ARHGEF6: variants seen among roughly 807,000 people sequenced by gnomAD.
ARHGEF6 encodes rho guanine nucleotide exchange factor 6.
In ARHGEF6, 9 loss-of-function variants were observed where a neutral mutation model predicts 70.3. The observed-to-expected ratio is 0.13, with a 90% CI of 0.08 to 0.22. The LOEUF is 0.22. Ranked by LOEUF, ARHGEF6 falls within the 10% of genes least tolerant of loss-of-function variation. ARHGEF6 has a pLI of 1.00. For synonymous variants in ARHGEF6, 201 were observed against 207.8 expected, an observed-to-expected ratio of 0.97 and a Z score of 0.28; for missense variants, 470 against 563.0, an observed-to-expected ratio of 0.83 and a Z score of 1.67.
chrX:136,740,009 T>TATC (rs2077026637), intron 5 of ARHGEF6, among the ~76,000 whole-genome samples: 1 of 110,329 alleles, frequency 9.1e-6, no homozygotes, highest in African/African-American at 3.3e-5. Context: ...GTTACATTAT[T>TATC]ATTATTATTA....
At chrX:136,731,346 A>T (rs937313707) in intron 6 of ARHGEF6, among the ~76,000 whole-genome samples, 1 of 111,888 alleles carries the variant, frequency 8.9e-6, no homozygotes, top group African/African-American at 3.3e-5. Context: ...CTGGGTAAAA[A>T]GTGAAACTGT....
chrX:136,697,846 T>C (rs966668902), intron 9 of ARHGEF6, among the ~76,000 whole-genome samples: 1 of 112,489 alleles, frequency 8.9e-6, no homozygotes, highest in Non-Finnish European at 1.9e-5. Flanking sequence ...AAAAACAATA[T>C]GGCACACAAA....
At chrX:136,669,817 A>C (rs1256306362) in intron 20 of ARHGEF6, among the ~76,000 whole-genome samples, 3 of 112,083 alleles carry the variant, frequency 2.7e-5, no homozygotes, top group African/African-American at 6.5e-5. Flanking sequence ...ACAAAACACA[A>C]GAGACTAGGG....
At chrX:136,669,148 C>G (rs745884854) in intron 21 of ARHGEF6, among the ~76,000 whole-genome samples, 7 of 111,955 alleles carry the variant, frequency 6.3e-5, no homozygotes, top group Non-Finnish European at 1.3e-4. Context: ...CAGAAAAGCC[C>G]ACAAACCATG....
chrX:136,678,542 G>GT (rs1569388516), intron 16 of ARHGEF6, among the ~76,000 whole-genome samples: 1 of 111,707 alleles, frequency 9.0e-6, no homozygotes, highest in South Asian at 3.7e-4. Flanking sequence ...GTCCTATCAT[G>GT]TCAAGTTGAA....
intron 2 of ARHGEF6, among the ~76,000 whole-genome samples, chrX:136,759,099 A>C (rs1423047914): frequency 8.9e-6 from 1 of 112,229 alleles, no homozygotes; most frequent in Non-Finnish European, 1.9e-5. Flanking sequence ...GAGAATGCAA[A>C]GTGGTTATAC....
intron 5 of ARHGEF6, among the ~76,000 whole-genome samples, chrX:136,739,212 G>A (rs960719248): frequency 8.9e-6 from 1 of 111,900 alleles, no homozygotes; most frequent in African/African-American, 3.2e-5. Context: ...TCTTCTCCCA[G>A]TCAGAAGCTT....
rs2077186870 is a variant in ARHGEF6 at position 136,754,599 on chromosome X, AC to A, written c.250-7008del. Reference sequence around the variant, plus strand: ...CCCCGCCTCAAAAAAAAAAAAAACAACGAAAGAAAAGAAAAGAAAAAGAAAA... The same window carrying A: ...CCCCGCCTCAAAAAAAAAAAAAACAAGAAAGAAAAGAAAAGAAAAAGAAAA... On this transcript the variant is annotated intron_variant, in intron 2 of 21. Coordinates refer to ENST00000250617, the MANE Select transcript of ARHGEF6 (RefSeq NM_004840.3). Among the ~76,000 whole-genome samples the A allele has an allele frequency of 7.8e-5, 8 of 102,330 alleles. 1 individual carries two copies. The highest frequency in any genetic ancestry group is 1.1e-4 in the African/African-American group (3 of 27,456). The allele number at this position is 102,330 out of a possible 115,157, so 88.9% of individuals were successfully genotyped here.
chrX:136,745,089 G>T, intron 4 of ARHGEF6, 134 bp downstream of exon 4: 1 of 881,414 alleles, frequency 1.1e-6, no homozygotes, highest in African/African-American at 1.9e-5. Flanking sequence ...ATTGGTGCTC[G>T]GTTTATAATT....
At chrX:136,699,860 TG>T (rs1349173520) in intron 9 of ARHGEF6, among the ~76,000 whole-genome samples, 3 of 109,964 alleles carry the variant, frequency 2.7e-5, no homozygotes, top group Non-Finnish European at 5.7e-5. Flanking sequence ...GGGATAGGAG[TG>T]GGGGCGGGGT....
At chrX:136,772,883 C>A (rs988843329) in intron 2 of ARHGEF6, among the ~76,000 whole-genome samples, 28 of 111,220 alleles carry the variant, frequency 2.5e-4, no homozygotes, top group Non-Finnish European at 4.7e-4. Context: ...ACAACAACAA[C>A]AAAAAAAATT....
At chrX:136,676,741 T>C in intron 17 of ARHGEF6, 24 bp from the exon 18 acceptor site, 2 of 1,070,235 alleles carry the variant, frequency 1.9e-6, no homozygotes, top group Non-Finnish European at 2.6e-6. Context: ...GGTTTCTTAA[T>C]GAATTAAAAT....
chrX:136,736,413 A>T, intron 5 of ARHGEF6, among the ~76,000 whole-genome samples: 1 of 111,505 alleles, frequency 9.0e-6, no homozygotes, highest in Non-Finnish European at 1.9e-5. Flanking sequence ...ATTTTTCATG[A>T]AATAAGATCC....
chrX:136,752,009 A>G (rs2077156818), intron 2 of ARHGEF6, among the ~76,000 whole-genome samples: 1 of 111,709 alleles, frequency 9.0e-6, no homozygotes, highest in Non-Finnish European at 1.9e-5. Flanking sequence ...ATAAAGATAC[A>G]CAAGAAAATG....
chrX:136,712,223 C>T (rs2076693487), intron 7 of ARHGEF6, among the ~76,000 whole-genome samples: 1 of 111,612 alleles, frequency 9.0e-6, no homozygotes. Flanking sequence ...ATTCTCCTGC[C>T]TCAGCCTCCC....
chrX:136,727,370 TTTCTTTC>T (rs2076871429), intron 6 of ARHGEF6, among the ~76,000 whole-genome samples: 1 of 68,960 alleles, frequency 1.5e-5, no homozygotes, highest in African/African-American at 6.1e-5. Flanking sequence ...TCTTTCTTTC[TTTCTTTC>T]TTTCTTTCTT....
At position 136,682,831 on chromosome X, in the gene ARHGEF6, C is replaced by T. The variant is rs201896882; in HGVS notation, c.1406G>A (p.Arg469Gln). ...GACATTTGAAAATAACATAAGGTAC[C>T]GCTCCTCTTTTTCCTGAGAGGGAAT... ...QYGACEEKEE[R>Q]YLMLFSNVLI... The change falls in exon 13 of 22, where the codon CGG becomes CAG. Residue 469 changes from arginine (R) to glutamine (Q), a missense_variant. This residue lies in a region of ARHGEF6 where 379 missense variants were observed against 449.3 expected (regional missense o/e 0.84). Transcript: ENST00000250617. 1.1e-4 allele frequency: 136 copies of T among 1,202,766 alleles called. 1 individual carries two copies. In the East Asian group the frequency reaches 3.2e-3, roughly 29 times the overall value.
rs189555891 is a variant in ARHGEF6, at chrX:136,722,067, A to T, written c.733-8697T>A. ...ATACATATAATTTTATCTGTCAATTAAAAAAAAAGACCATTCAGTGGGGAG... is the reference window on the plus strand; with the variant it reads ...ATACATATAATTTTATCTGTCAATTTAAAAAAAAGACCATTCAGTGGGGAG... On this transcript the variant is annotated intron_variant, in intron 6 of 21. Transcript: ENST00000250617. Among the ~76,000 whole-genome samples, 31 of 109,880 alleles carry T rather than the reference A, an allele frequency of 2.8e-4. No homozygotes were observed. The East Asian group carries it at 6.5e-3, about 23-fold the overall frequency.
intron 6 of ARHGEF6, among the ~76,000 whole-genome samples, chrX:136,726,434 G>A (rs1467178845): frequency 8.9e-6 from 1 of 111,826 alleles, no homozygotes; most frequent in Non-Finnish European, 1.9e-5. Flanking sequence ...ATATGGAAAA[G>A]AGAATCAATG....
Sources: gnomAD v4.1 joint callset for allele counts (sites outside exome capture counted in the v4.1 genomes callset) on GRCh38, gnomAD v4.1.1 for gene constraint, gnomAD v4.1.1 regional missense constraint, MANE v1.5 for transcripts, NCBI Gene and HGNC (gene_info 2026-07-23, HGNC 2026-07-21) for gene names.